The following MAGI2 variants were observed in gnomAD, a reference collection of about 807,000 sequenced individuals.
MAGI2 encodes membrane-associated guanylate kinase, WW and PDZ domain-containing protein 2.
In MAGI2, 35 loss-of-function variants were observed where a neutral mutation model predicts 133.3. That is an observed-to-expected ratio of 0.26 (90% confidence interval 0.20 to 0.35). MAGI2 has a LOEUF of 0.35. MAGI2 is among the 10% of genes least tolerant of loss of function. The pLI, the probability that MAGI2 is intolerant of heterozygous loss-of-function variation, is 1.00. For synonymous variants in MAGI2, 729 were observed against 710.6 expected (o/e 1.03, Z -0.41); for missense variants, 1,636 against 1,863.4 (o/e 0.88, Z 2.25).
chr7:79,064,538 C>G (rs528239682), intron 1 of MAGI2, among the ~76,000 whole-genome samples: 17 of 152,188 alleles, frequency 1.1e-4, no homozygotes, highest in African/African-American at 3.1e-4. Flanking sequence ...AAGAATCAAT[C>G]TACATATGTT....
At chr7:78,788,510 G>T (rs1827014272) in intron 2 of MAGI2, among the ~76,000 whole-genome samples, 1 of 150,320 alleles carries the variant, frequency 6.7e-6, no homozygotes, top group Non-Finnish European at 1.5e-5. Flanking sequence ...GCCTTTGACT[G>T]CCCTTTTTCT....
At chr7:78,054,480 T>C (rs886601950) in intron 21 of MAGI2, among the ~76,000 whole-genome samples, 2 of 152,132 alleles carry the variant, frequency 1.3e-5, no homozygotes, top group Non-Finnish European at 2.9e-5. Flanking sequence ...AGGAATTCTG[T>C]CTTTAAAAAG....
chr7:78,962,540 T>C (rs1295588494), intron 2 of MAGI2, among the ~76,000 whole-genome samples: 2 of 151,058 alleles, frequency 1.3e-5, no homozygotes, highest in Non-Finnish European at 3.0e-5. Context: ...GATAGGTACA[T>C]GCTGTGCTAT....
intron 2 of MAGI2, among the ~76,000 whole-genome samples, chr7:78,708,737 C>G (rs1477510404): frequency 2.0e-5 from 3 of 152,098 alleles, no homozygotes; most frequent in Non-Finnish European, 4.4e-5. Flanking sequence ...AGCTCACCCT[C>G]ACATCAACCC....
intron 2 of MAGI2, among the ~76,000 whole-genome samples, chr7:78,955,762 TTTCTTTC>T (rs763200192): frequency 0.021 from 1,753 of 83,256 alleles, 50 homozygotes; most frequent in South Asian, 0.03. Context: ...TCTTTCTTTC[TTTCTTTC>T]TTTCTTTCTT....
chr7:78,752,450 A>C (rs1309267194), intron 2 of MAGI2, among the ~76,000 whole-genome samples: 1 of 151,506 alleles, frequency 6.6e-6, no homozygotes, highest in African/African-American at 2.4e-5. Context: ...TAAATATACA[A>C]AAATCAGCTG....
At chr7:78,512,761 A>T (rs1795714288) in intron 4 of MAGI2, among the ~76,000 whole-genome samples, 1 of 152,194 alleles carries the variant, frequency 6.6e-6, no homozygotes, top group African/African-American at 2.4e-5. Flanking sequence ...CGTGCCTCAC[A>T]ATTATTTTTC....
chr7:78,931,112 A>T (rs1402644315), intron 2 of MAGI2, among the ~76,000 whole-genome samples: 2 of 152,098 alleles, frequency 1.3e-5, no homozygotes, highest in African/African-American at 4.8e-5. Flanking sequence ...CCAAACACAG[A>T]AATAAAGCTT....
At chr7:79,015,876 C>A (rs1808652584) in intron 1 of MAGI2, among the ~76,000 whole-genome samples, 1 of 151,910 alleles carries the variant, frequency 6.6e-6, no homozygotes, top group African/African-American at 2.4e-5. Context: ...TCTAGCAGAT[C>A]TTCAGAGGGA....
intron 2 of MAGI2, among the ~76,000 whole-genome samples, chr7:78,915,764 G>T (rs1798748281): frequency 6.6e-6 from 1 of 151,328 alleles, no homozygotes; most frequent in African/African-American, 2.4e-5. Flanking sequence ...ACCATAGGTA[G>T]TATGGTGACC....
chr7:78,452,002 ATC>A (rs1788773270), intron 6 of MAGI2, among the ~76,000 whole-genome samples: 2 of 152,010 alleles, frequency 1.3e-5, no homozygotes, highest in South Asian at 4.2e-4. Context: ...TATTTCCAAG[ATC>A]TGGTTGAATC....
chr7:78,295,492 T>C (rs1797135565), intron 9 of MAGI2, among the ~76,000 whole-genome samples: 1 of 152,196 alleles, frequency 6.6e-6, no homozygotes, highest in Non-Finnish European at 1.5e-5. Flanking sequence ...TGTGAAATCT[T>C]ATTCAGCGTC....
At chr7:79,304,341 G>A (rs1528265) in intron 1 of MAGI2, among the ~76,000 whole-genome samples, 57,089 of 151,162 alleles carry the variant, frequency 0.38, 11,935 homozygotes, top group African/African-American at 0.54. Flanking sequence ...TGGGAGAGGC[G>A]GGATAGAGTA....
intron 9 of MAGI2, among the ~76,000 whole-genome samples, chr7:78,317,509 C>T (rs17150512): frequency 0.22 from 34,105 of 152,152 alleles, 5,066 homozygotes; most frequent in African/African-American, 0.4. Flanking sequence ...TATTAAGATA[C>T]GTAAGAAGGT....
intron 1 of MAGI2, among the ~76,000 whole-genome samples, chr7:79,249,020 C>T (rs1833027772): frequency 6.6e-6 from 1 of 151,992 alleles, no homozygotes; most frequent in South Asian, 2.1e-4. Context: ...CCCGCCACCA[C>T]ACCAAGCTAA....
chr7:79,123,785 C>CAAAAA (rs71095377), intron 1 of MAGI2, among the ~76,000 whole-genome samples: 24 of 60,700 alleles, frequency 4.0e-4, no homozygotes, highest in African/African-American at 8.2e-4. Flanking sequence ...GACTCCATCT[C>CAAAAA]AAAAAAAAAA....
chr7:79,324,643 A>AAT (rs1289667443), intron 1 of MAGI2, among the ~76,000 whole-genome samples: 5 of 32,584 alleles, frequency 1.5e-4, no homozygotes, highest in African/African-American at 8.6e-4. Context: ...ATATATATAA[A>AAT]ATATATATAT....
At chr7:79,236,489 G>A (rs914050670) in intron 1 of MAGI2, among the ~76,000 whole-genome samples, 2 of 152,188 alleles carry the variant, frequency 1.3e-5, no homozygotes, top group African/African-American at 2.4e-5. Context: ...ATCAAATATG[G>A]TTTGGACATA....
In MAGI2 at chr7:78,811,393, G is replaced by C. The variant is rs73369413; in HGVS notation, c.419-184154C>G. Among the ~76,000 whole-genome samples the C allele has an allele frequency of 4.3e-3, 655 of 151,840 alleles. 4 individuals carry two copies. Among genetic ancestry groups the C allele is most frequent in the African/African-American group, 0.015 (619 of 41,462 alleles). ...ATAAATGAATAAACTCTTAAATTAT[G>C]TGATTGATGTGTATATTAATATATA... On this transcript the variant is annotated intron_variant, in intron 2 of 21. Coordinates refer to ENST00000354212, the MANE Select transcript of MAGI2 (RefSeq NM_012301.4).
Sources: allele counts gnomAD v4.1 joint callset (sites outside exome capture counted in the v4.1 genomes callset), GRCh38; gene constraint gnomAD v4.1.1; transcripts MANE v1.5; gene names NCBI Gene and HGNC (gene_info 2026-07-23, HGNC 2026-07-21).